Variants in SLFN5 observed in about 807,000 individuals in gnomAD.
The protein encoded by SLFN5 is schlafen family member 5.
In SLFN5, 34 loss-of-function variants were observed where a neutral mutation model predicts 48.5. That is an observed-to-expected ratio of 0.70 (90% CI 0.53 to 0.93). The LOEUF is 0.93. Among genes scored for constraint, SLFN5 ranks in the 40% least tolerant of loss-of-function variants. The pLI, the probability that SLFN5 is intolerant of heterozygous loss-of-function variation, is 0.00. For missense variants in SLFN5, 1,006 were observed against 1,071.3 expected (o/e 0.94, Z 0.85); for synonymous variants, 387 against 396.2 (o/e 0.98, Z 0.28).
rs759966084 is a variant in SLFN5 at position 35,271,820 on chromosome 17, A to G, written c.*5932A>G. The stretch of plus-strand genomic sequence containing the variant: ...CGAGGCAGGTGGATTGCCTGAGTCC[A>G]GGAGTTCCAGACCAGCCTGGACAAC... On this transcript the variant is annotated 3_prime_UTR_variant, in exon 5 of 5. Coordinates refer to ENST00000299977, the MANE Select transcript of SLFN5 (RefSeq NM_144975.4). 6 of 152,218 alleles carry G rather than the reference A, an allele frequency of 3.9e-5. No individual in the cohort carries two copies. The highest frequency in any genetic ancestry group is 4.4e-5 in the Non-Finnish European group (3 of 68,058). 9.4% of individuals were successfully genotyped at this position (152,218 alleles called of 1,614,324 possible).
intron 2 of SLFN5, among the ~76,000 whole-genome samples, chr17:35,260,448 G>A (rs1904488701): frequency 6.6e-6 from 1 of 152,086 alleles, no homozygotes; most frequent in Admixed American, 6.6e-5. Flanking sequence ...AAACAGTCTG[G>A]GCACGGTGGC....
chr17:35,245,939 G>A (rs141333571), intron 1 of SLFN5, among the ~76,000 whole-genome samples: 11 of 151,774 alleles, frequency 7.2e-5, no homozygotes, highest in African/African-American at 1.5e-4. Context: ...CAAAATGGTC[G>A]TACCCCTTTA....
rs1455747934 is a variant in SLFN5 at position 35,273,583 on chromosome 17, TGTAA to T, written c.*7698_*7701del. ...CAAAAAGTGTCTATATATACAAAAA[TGTAA>T]GTGTTAACATTTTTATATTTGCTTC... On this transcript the variant is annotated 3_prime_UTR_variant, in exon 5 of 5. Transcript: ENST00000299977. The T allele has an allele frequency of 2.6e-5, 4 of 152,174 alleles. No individual in the cohort carries two copies. Among genetic ancestry groups the T allele is most frequent in the African/African-American group, 7.2e-5 (3 of 41,440 alleles). The allele number at this position is 152,174 out of a possible 1,614,324, so 9.4% of individuals were successfully genotyped here.
rs780449701 is a variant in SLFN5, at chr17:35,260,997, C to G, written c.1039C>G (p.Leu347Val). Reference protein sequence around the residue: ...PDLSRCPEMVLQLSLSSATPR... With the variant: ...PDLSRCPEMVVQLSLSSATPR... ...CCTTTCCAGGTGTCCTGAGATGGTT[C>G]TCCAGTTGAGTTTGTCATCTGCCAC... Residue 347 changes from leucine (L) to valine (V), a missense_variant, in exon 3 of 5, where the codon CTC becomes GTC. By Grantham distance (32) the Leu-to-Val change is conservative. Transcript: ENST00000299977. 34 of 1,613,796 alleles carry G rather than the reference C, an allele frequency of 2.1e-5. No homozygotes were observed. The highest frequency in any genetic ancestry group is 2.7e-5 in the Non-Finnish European group (32 of 1,179,896).
At position 35,258,666 on chromosome 17, in the gene SLFN5, T is replaced by C. The variant is rs754832471; in HGVS notation, c.-25T>C. The C allele has an allele frequency of 9.4e-6, 15 of 1,594,242 alleles. No homozygotes were observed. In the Admixed American group the frequency reaches 1.0e-4, roughly 11 times the overall value. ...TGTTTTTCAGGAGAACATTTCAGGA[T>C]AGGAATAGGCCAAGTGCTGAGAAGA... On this transcript the variant is annotated 5_prime_UTR_variant, in exon 2 of 5. Coordinates refer to ENST00000299977, the MANE Select transcript of SLFN5 (RefSeq NM_144975.4).
intron 1 of SLFN5, among the ~76,000 whole-genome samples, chr17:35,252,904 A>G (rs1320387168): frequency 6.6e-6 from 1 of 151,974 alleles, no homozygotes; most frequent in Non-Finnish European, 1.5e-5. Flanking sequence ...TTCTTCTGGC[A>G]CGTGTTTCTG....
chr17:35,247,009 A>G (rs972166962), intron 1 of SLFN5, among the ~76,000 whole-genome samples: 5 of 152,020 alleles, frequency 3.3e-5, no homozygotes, highest in Non-Finnish European at 7.4e-5. Context: ...GACATATGCA[A>G]AAATAGAACT....
At chr17:35,248,640 A>G (rs187707934) in intron 1 of SLFN5, among the ~76,000 whole-genome samples, 1 of 150,130 alleles carries the variant, frequency 6.7e-6, no homozygotes, top group Admixed American at 6.7e-5. Flanking sequence ...CCTAAACTCC[A>G]AAATTCCAGT....
intron 1 of SLFN5, among the ~76,000 whole-genome samples, chr17:35,247,999 GC>G (rs752368246): frequency 2.0e-5 from 3 of 152,194 alleles, no homozygotes; most frequent in Admixed American, 6.5e-5. Flanking sequence ...GTTAGGAGGT[GC>G]CCAACTGTAC....
At position 35,269,473 on chromosome 17, in the gene SLFN5, G is replaced by T. The variant is rs1008743135; in HGVS notation, c.*3585G>T. 8 of 152,050 alleles carry T rather than the reference G, an allele frequency of 5.3e-5. No individual in the cohort carries two copies. Among genetic ancestry groups the T allele is most frequent in the Non-Finnish European group, 1.2e-4 (8 of 68,012 alleles). 9.4% of individuals were successfully genotyped at this position (152,050 alleles called of 1,614,324 possible). A position where few individuals can be genotyped will look rare whatever the true frequency, so the allele number is the denominator to read the frequency against. ...TTCTGTTTCAATCCATAAAACCAGG[G>T]TTTGGATCATTTTAAAAAAACAAAC... On this transcript the variant is annotated 3_prime_UTR_variant, in exon 5 of 5. Coordinates refer to ENST00000299977, the MANE Select transcript of SLFN5 (RefSeq NM_144975.4).
In SLFN5 at chr17:35,265,307, C is replaced by T. The variant is rs750010563; in HGVS notation, c.2095C>T (p.Pro699Ser). The T allele has an allele frequency of 6.2e-7, 1 of 1,614,160 alleles. No homozygotes were observed. The highest frequency in any genetic ancestry group is 2.2e-5 in the East Asian group (1 of 44,886). The change falls in exon 5 of 5, where the codon CCC becomes TCC. Residue 699 changes from proline to serine, a missense_variant. Pro to Ser is a moderately conservative substitution (Grantham distance 74). Coordinates refer to ENST00000299977, the MANE Select transcript of SLFN5 (RefSeq NM_144975.4). ...YHLSCSGLPPPSDQYPREEIN... is the reference protein window; with the variant it reads ...YHLSCSGLPPSSDQYPREEIN... ...CTTGAGTTGCAGTGGCCTCCCCCCT[C>T]CCTCAGACCAGTATCCAAGAGAAGA... is the stretch of plus-strand genomic sequence containing the variant.
In SLFN5 at chr17:35,273,243, T is replaced by A. The variant is rs1904877424; in HGVS notation, c.*7355T>A. The A allele has an allele frequency of 6.6e-6, 1 of 152,246 alleles. No individual in the cohort carries two copies. The highest frequency in any genetic ancestry group is 1.5e-5 in the Non-Finnish European group (1 of 68,038). The allele number at this position is 152,246 out of a possible 1,614,324, so 9.4% of individuals were successfully genotyped here. A position where few individuals can be genotyped will look rare whatever the true frequency, so the allele number is the denominator to read the frequency against. The stretch of plus-strand genomic sequence containing the variant: ...TTCTTTTAGAATCAATATAAGTCTG[T>A]GCTTGTAAATGCAGTAAGTATCTTT... On this transcript the variant is annotated 3_prime_UTR_variant, in exon 5 of 5. Coordinates refer to ENST00000299977, the MANE Select transcript of SLFN5 (RefSeq NM_144975.4).
rs899369570 is a variant in SLFN5, at chr17:35,273,636, A to C, written c.*7748A>C. ...TCAAGCTTTTTTTTTAAATAAAAGA[A>C]ATGCAATATTGCAATTAAATTTGTG... On this transcript the variant is annotated 3_prime_UTR_variant, in exon 5 of 5. Transcript: ENST00000299977. The C allele has an allele frequency of 1.6e-4, 24 of 152,210 alleles. No individual in the cohort carries two copies. The highest frequency in any genetic ancestry group is 5.3e-4 in the African/African-American group (22 of 41,450). The allele number at this position is 152,210 out of a possible 1,614,324, so 9.4% of individuals were successfully genotyped here.
chr17:35,259,357 G>A lies in SLFN5; in HGVS notation c.667G>A (p.Glu223Lys), dbSNP rs966800945. The A allele has an allele frequency of 8.1e-6, 13 of 1,614,040 alleles. No individual in the cohort carries two copies. Among genetic ancestry groups the A allele is most frequent in the African/African-American group, 1.3e-5 (1 of 74,922 alleles). Residue 223 changes from glutamate to lysine, a missense_variant, in exon 2 of 5, where the codon GAA becomes AAA. Physicochemically the swap from Glu to Lys is moderately conservative, Grantham distance 56. Transcript: ENST00000299977. ...GTGTGTTTCTGCATTTGCAAATACT[G>A]AAGGAGGATATGTATTTTTTGGTGT... ...PKCVSAFANT[E>K]GGYVFFGVHD...
intron 1 of SLFN5, among the ~76,000 whole-genome samples, chr17:35,246,460 G>GC (rs2092430849): frequency 6.6e-6 from 1 of 152,072 alleles, no homozygotes; most frequent in South Asian, 2.1e-4. Context: ...TCCTCCTGTT[G>GC]CCCCCTCCTC....
intron 3 of SLFN5, 65 bp from the exon 4 acceptor site, chr17:35,264,118 G>A (rs200884787): frequency 7.7e-5 from 116 of 1,506,292 alleles, no homozygotes; most frequent in Middle Eastern, 1.8e-4. Flanking sequence ...ATTCTTCTAC[G>A]TATAATGATG....
chr17:35,257,549 A>ATT lies in SLFN5; in HGVS notation c.-40-1090_-40-1089dup, dbSNP rs11427892. ...CCTTTGTTCCCGCTGGAGTAAAGCA[A>ATT]TTTTTTTTTTTTTGCACTAGTGCTT... On this transcript the variant is annotated intron_variant, in intron 1 of 4. Transcript: ENST00000299977. Among the ~76,000 whole-genome samples, 444 of 147,470 alleles carry ATT rather than the reference A, an allele frequency of 3.0e-3. 1 individual carries two copies. The highest frequency in any genetic ancestry group is 0.011 in the South Asian group (53 of 4,630).
Position 35,271,135 on chromosome 17 carries a change from C to A in SLFN5, c.*5247C>A, listed in dbSNP as rs1047520111. On this transcript the variant is annotated 3_prime_UTR_variant, in exon 5 of 5. Transcript: ENST00000299977. ...AGACTTCTCTCCCCAAACTATCATT[C>A]AGAGTCGAGGGCAAAATAAATAGAT... 3.3e-5 allele frequency: 5 copies of A among 152,280 alleles called. No homozygotes were observed. In the South Asian group the frequency reaches 1.0e-3, roughly 32 times the overall value. 9.4% of individuals were successfully genotyped at this position (152,280 alleles called of 1,614,324 possible). A position where few individuals can be genotyped will look rare whatever the true frequency, so the allele number is the denominator to read the frequency against.
At chr17:35,260,493 G>A (rs566041559) in intron 2 of SLFN5, among the ~76,000 whole-genome samples, 2 of 149,666 alleles carry the variant, frequency 1.3e-5, no homozygotes, top group African/African-American at 2.6e-5. Context: ...GGGAGGCCGA[G>A]GGGGGCAGAT....
Sources: gnomAD v4.1 joint callset for allele counts (sites outside exome capture counted in the v4.1 genomes callset) on GRCh38, gnomAD v4.1.1 for gene constraint, MANE v1.5 for transcripts, NCBI Gene and HGNC (gene_info 2026-07-23, HGNC 2026-07-21) for gene names.